TIAM1: variants seen among roughly 807,000 people sequenced by gnomAD.
The protein encoded by TIAM1 is rho guanine nucleotide exchange factor TIAM1.
Under a neutral mutation model 163.5 loss-of-function variants are expected in TIAM1, and 65 were observed. The ratio of observed to expected loss-of-function variants is 0.40; its 90% CI spans 0.33 to 0.49. The LOEUF (loss-of-function observed/expected upper bound fraction) is 0.49. Among genes scored for constraint, TIAM1 ranks in the 20% least tolerant of loss-of-function variants. TIAM1 has a pLI of 0.77. For synonymous variants in TIAM1, 833 were observed against 810.1 expected, an observed-to-expected ratio of 1.03 and a Z score of -0.48; for missense variants, 1,789 against 2,044.7, an observed-to-expected ratio of 0.87 and a Z score of 2.41.
chr21:31,146,335 G>A (rs1469121259), intron 20 of TIAM1, among the ~76,000 whole-genome samples: 1 of 148,978 alleles, frequency 6.7e-6, no homozygotes, highest in Non-Finnish European at 1.5e-5. Flanking sequence ...TCAGGAGGCT[G>A]AGGCAGAAGA....
chr21:31,343,997 C>G (rs1326289923), intron 1 of TIAM1, 141 bp downstream of exon 1: 1 of 152,238 alleles, frequency 6.6e-6, no homozygotes, highest in African/African-American at 2.4e-5. Flanking sequence ...ACGGGACGCA[C>G]GGTTCCCCGG....
intron 1 of TIAM1, among the ~76,000 whole-genome samples, chr21:31,471,354 T>A (rs2045734888): frequency 6.6e-6 from 1 of 152,110 alleles, no homozygotes; most frequent in African/African-American, 2.4e-5. Flanking sequence ...ACAGACACGA[T>A]CATTCAGAAT....
chr21:31,505,074 A>C (rs1004076332), intron 1 of TIAM1, among the ~76,000 whole-genome samples: 5 of 152,186 alleles, frequency 3.3e-5, no homozygotes, highest in African/African-American at 1.2e-4. Context: ...ACACAGAATG[A>C]GTGAGGACCC....
chr21:31,185,422 G>GCTATATAA (rs1330608861), intron 14 of TIAM1, among the ~76,000 whole-genome samples: 1 of 130,958 alleles, frequency 7.6e-6, no homozygotes, highest in African/African-American at 3.3e-5. Flanking sequence ...ATATAATTAT[G>GCTATATAA]TTATATAATT....
intron 2 of TIAM1, among the ~76,000 whole-genome samples, chr21:31,285,378 A>C (rs76682827): frequency 0.099 from 15,127 of 152,144 alleles, 1,938 homozygotes; most frequent in African/African-American, 0.3. Flanking sequence ...AATCCCAAGC[A>C]CTGCTGGAAA....
At chr21:31,334,368 TCA>T (rs2075775389) in intron 2 of TIAM1, among the ~76,000 whole-genome samples, 1 of 151,316 alleles carries the variant, frequency 6.6e-6, no homozygotes, top group Non-Finnish European at 1.5e-5. Flanking sequence ...CACTGCAGCC[TCA>T]AAGTCCTTGG....
intron 6 of TIAM1, among the ~76,000 whole-genome samples, chr21:31,238,882 G>C (rs896627923): frequency 6.6e-6 from 1 of 152,076 alleles, no homozygotes; most frequent in Non-Finnish European, 1.5e-5. Flanking sequence ...TGTAAGCCTC[G>C]ACTTCAACAA....
At chr21:31,462,738 T>G (rs886443544) in intron 2 of TIAM1, among the ~76,000 whole-genome samples, 4 of 62,412 alleles carry the variant, frequency 6.4e-5, no homozygotes, top group East Asian at 8.3e-4. Context: ...ACTTTTTTGT[T>G]TTTTTTTTTT....
At position 31,164,986 on chromosome 21, in the gene TIAM1, T is replaced by C. The variant is rs1290303640; in HGVS notation, c.2967A>G (p.Ser989=). The change falls in exon 16 of 28, where the codon TCA becomes TCG. Residue 989 remains serine (S), a synonymous_variant. Coordinates refer to ENST00000541036, the MANE Select transcript of TIAM1 (RefSeq NM_001353694.2). ...EETEGPDLES[S]DETDHSSKST... is the part of the protein sequence containing the mutation. ...CCTTGCTGCTGTGATCAGTCTCATC[T>C]GAGGATTCCAAGTCTGGCCCCTCGG... is the stretch of plus-strand genomic sequence containing the variant. The C allele has an allele frequency of 6.2e-7, 1 of 1,614,200 alleles. No individual in the cohort carries two copies. Among genetic ancestry groups the C allele is most frequent in the Non-Finnish European group, 8.5e-7 (1 of 1,180,036 alleles).
intron 14 of TIAM1, 122 bp downstream of exon 14, chr21:31,186,879 T>A: frequency 1.2e-6 from 1 of 834,182 alleles, no homozygotes; most frequent in East Asian, 2.4e-5. Flanking sequence ...GGGTTTTCAA[T>A]GAGAAAATGT....
chr21:31,364,730 C>T (rs770571455), intron 2 of TIAM1, among the ~76,000 whole-genome samples: 4 of 151,926 alleles, frequency 2.6e-5, no homozygotes, highest in Admixed American at 1.3e-4. Flanking sequence ...GATGGATGGA[C>T]GAATGGACAG....
chr21:31,300,013 G>A (rs942405200), intron 2 of TIAM1, among the ~76,000 whole-genome samples: 36 of 152,156 alleles, frequency 2.4e-4, no homozygotes, highest in African/African-American at 8.7e-4. Context: ...ATCTCATATT[G>A]AAATGTCATT....
intron 2 of TIAM1, among the ~76,000 whole-genome samples, chr21:31,355,830 C>A (rs958995052): frequency 0.045 from 2 of 44 alleles, no homozygotes; most frequent in Non-Finnish European, 0.038. Flanking sequence ...GGGATTCAGG[C>A]GTGAGCACTG....
At chr21:31,337,211 G>A (rs1032268066) in intron 2 of TIAM1, among the ~76,000 whole-genome samples, 5 of 152,106 alleles carry the variant, frequency 3.3e-5, no homozygotes, top group Admixed American at 3.3e-4. Context: ...ATCTTGAAGG[G>A]AAGGAAGCCC....
chr21:31,410,366 CTGTG>C (rs1057181229), intron 2 of TIAM1, among the ~76,000 whole-genome samples: 6 of 151,362 alleles, frequency 4.0e-5, no homozygotes, highest in Admixed American at 6.6e-5. Flanking sequence ...GTGTGAGCAA[CTGTG>C]TGTAAGAGTG....
At chr21:31,310,754 G>C (rs1429390652) in intron 2 of TIAM1, among the ~76,000 whole-genome samples, 2 of 152,152 alleles carry the variant, frequency 1.3e-5, no homozygotes, top group Non-Finnish European at 2.9e-5. Context: ...AGACAAGTTA[G>C]AAAAGTGCTC....
Position 31,141,572 on chromosome 21 carries a change from C to T in TIAM1, c.3476-68G>A. On this transcript the variant is annotated intron_variant, in intron 20 of 27. Coordinates refer to ENST00000541036, the MANE Select transcript of TIAM1 (RefSeq NM_001353694.2). The surrounding 1 kb of genome is among the most constrained non-coding windows in gnomAD (Gnocchi z 4.7). ...GTGACTCCCTTCCCACAATTTCCCT[C>T]CCTTCCTCAGTGACTCCAAGGTGCC... The T allele has an allele frequency of 6.4e-7, 1 of 1,566,534 alleles. No homozygotes were observed. Among genetic ancestry groups the T allele is most frequent in the Non-Finnish European group, 8.7e-7 (1 of 1,152,228 alleles).
At chr21:31,138,423 T>C (rs2082707891) in intron 22 of TIAM1, among the ~76,000 whole-genome samples, 1 of 152,220 alleles carries the variant, frequency 6.6e-6, no homozygotes, top group Non-Finnish European at 1.5e-5. Context: ...AAACCTGCTG[T>C]TACCAGCAGA....
chr21:31,423,350 G>A (rs959152696), intron 2 of TIAM1, among the ~76,000 whole-genome samples: 20 of 151,756 alleles, frequency 1.3e-4, no homozygotes, highest in Non-Finnish European at 2.2e-4. Flanking sequence ...CCCTCGCCTC[G>A]GCCTCCCAAA....
Sources: gnomAD v4.1 joint callset for allele counts (sites outside exome capture counted in the v4.1 genomes callset) on GRCh38, gnomAD v4.1.1 for gene constraint, Gnocchi (gnomAD v3.1) non-coding constraint, MANE v1.5 for transcripts, NCBI Gene and HGNC (gene_info 2026-07-23, HGNC 2026-07-21) for gene names.